CDK7: variants seen among roughly 807,000 people sequenced by gnomAD.
CDK7 encodes the protein cyclin-dependent kinase 7.
In CDK7, 25 loss-of-function variants were observed where a neutral mutation model predicts 49.1. That is an observed-to-expected ratio of 0.51 (90% CI 0.37 to 0.71). The LOEUF is 0.71. CDK7 is among the 30% of genes least tolerant of loss of function. The pLI is 0.00. For synonymous variants in CDK7, 107 were observed against 140.0 expected, an observed-to-expected ratio of 0.76 and a Z score of 1.67; for missense variants, 316 against 411.7, an observed-to-expected ratio of 0.77 and a Z score of 2.01.
chr5:69,251,350 G>A (rs1434656722), intron 2 of CDK7, among the ~76,000 whole-genome samples: 18 of 151,570 alleles, frequency 1.2e-4, no homozygotes, highest in Non-Finnish European at 2.1e-4. Flanking sequence ...CACCTGCCTC[G>A]GCCTCCCAAA....
intron 2 of CDK7, among the ~76,000 whole-genome samples, chr5:69,246,054 G>A (rs747995694): frequency 6.6e-6 from 1 of 152,128 alleles, no homozygotes; most frequent in Non-Finnish European, 1.5e-5. Context: ...CTTAATCATG[G>A]CGAAAGGTGA....
intron 2 of CDK7, among the ~76,000 whole-genome samples, chr5:69,243,579 TTTG>T (rs1471627980): frequency 2.6e-5 from 4 of 152,132 alleles, no homozygotes; most frequent in African/African-American, 4.8e-5. Context: ...ATTCCTCCCT[TTTG>T]TTCTTTTTTC....
intron 9 of CDK7, among the ~76,000 whole-genome samples, chr5:69,270,484 G>T (rs6887195): frequency 6.8e-4 from 103 of 152,206 alleles, no homozygotes; most frequent in African/African-American, 2.4e-3. Context: ...ATATTTCACG[G>T]ACCCTTTACC....
chr5:69,277,271 G>T lies in CDK7; in HGVS notation c.*136G>T. On this transcript the variant is annotated 3_prime_UTR_variant, in exon 12 of 12. Transcript: ENST00000256443. ...ACACATGTAAAATATGTAAAACTAT[G>T]GGTTATTTTTATTAAATGTATTTTA... The T allele has an allele frequency of 2.0e-6, 1 of 491,434 alleles. No homozygotes were observed. Among genetic ancestry groups the T allele is most frequent in the East Asian group, 3.3e-5 (1 of 29,888 alleles). 30.4% of individuals were successfully genotyped at this position (491,434 alleles called of 1,614,324 possible).
intron 6 of CDK7, 62 bp from the exon 7 acceptor site, chr5:69,259,756 G>A (rs1580314863): frequency 1.0e-6 from 1 of 962,752 alleles, no homozygotes; most frequent in Non-Finnish European, 1.6e-6. Flanking sequence ...CCAACTAAAT[G>A]TAGCACTACA....
rs1752246410 is a variant in CDK7, at chr5:69,277,251, T to C, written c.*116T>C. On this transcript the variant is annotated 3_prime_UTR_variant, in exon 12 of 12. Coordinates refer to ENST00000256443, the MANE Select transcript of CDK7 (RefSeq NM_001799.4). ...AGTGAGTTTGTAAATATTCTACACA[T>C]GTAAAATATGTAAAACTATGGGTTA... The C allele has an allele frequency of 3.5e-6, 2 of 577,672 alleles. No individual in the cohort carries two copies. The highest frequency in any genetic ancestry group is 5.9e-5 in the East Asian group (2 of 33,634). The allele number at this position is 577,672 out of a possible 1,614,324, so 35.8% of individuals were successfully genotyped here. A position where few individuals can be genotyped will look rare whatever the true frequency, so the allele number is the denominator to read the frequency against.
intron 5 of CDK7, among the ~76,000 whole-genome samples, chr5:69,256,227 A>G (rs779806538): frequency 6.6e-6 from 1 of 151,894 alleles, no homozygotes; most frequent in Non-Finnish European, 1.5e-5. Flanking sequence ...CAGGAGTTCA[A>G]GACCAGCCTG....
At chr5:69,261,518 G>GTGTGTGTA (rs1264174480) in intron 7 of CDK7, among the ~76,000 whole-genome samples, 1 of 144,108 alleles carries the variant, frequency 6.9e-6, no homozygotes, top group African/African-American at 2.5e-5. Flanking sequence ...GTGTGTGTGT[G>GTGTGTGTA]TGTGTGTATG....
At chr5:69,269,362 TTATA>T in intron 9 of CDK7, 69 bp downstream of exon 9, 2 of 1,018,658 alleles carry the variant, frequency 2.0e-6, no homozygotes, top group African/African-American at 1.6e-5. Flanking sequence ...GTCATATACT[TTATA>T]TAGTGCTGTC....
At chr5:69,258,673 C>T (rs1001208406) in intron 6 of CDK7, among the ~76,000 whole-genome samples, 3 of 152,218 alleles carry the variant, frequency 2.0e-5, no homozygotes, top group East Asian at 1.9e-4. Flanking sequence ...TGAGCCATTG[C>T]GCCCGGCCTC....
chr5:69,243,958 G>C (rs774868709), intron 2 of CDK7, among the ~76,000 whole-genome samples: 5 of 148,246 alleles, frequency 3.4e-5, no homozygotes, highest in Admixed American at 1.4e-4. Context: ...TCAGCTTCCT[G>C]AGTACCTGGG....
At chr5:69,236,511 G>A (rs1363503413) in intron 2 of CDK7, among the ~76,000 whole-genome samples, 2 of 150,814 alleles carry the variant, frequency 1.3e-5, no homozygotes, top group African/African-American at 4.9e-5. Flanking sequence ...TAACTCCTTG[G>A]AAGTTATCCA....
chr5:69,241,307 G>GT (rs1749355577), intron 2 of CDK7, among the ~76,000 whole-genome samples: 264 of 112,780 alleles, frequency 2.3e-3, no homozygotes, highest in Non-Finnish European at 2.8e-3. Flanking sequence ...CTCATTGTAG[G>GT]TTTTTTCTTT....
chr5:69,239,526 C>A (rs989417911), intron 2 of CDK7, among the ~76,000 whole-genome samples: 3 of 152,078 alleles, frequency 2.0e-5, no homozygotes, highest in African/African-American at 7.2e-5. Flanking sequence ...CAGCATCGGC[C>A]TCCCAAAGAG....
At chr5:69,274,413 T>G (rs1397036404) in intron 10 of CDK7, among the ~76,000 whole-genome samples, 1 of 152,148 alleles carries the variant, frequency 6.6e-6, no homozygotes, top group African/African-American at 2.4e-5. Context: ...GGAGCAAGGA[T>G]AGCTTGAGCC....
chr5:69,270,265 G>A (rs557882116), intron 9 of CDK7, among the ~76,000 whole-genome samples: 10 of 152,048 alleles, frequency 6.6e-5, no homozygotes, highest in East Asian at 1.9e-4. Context: ...GTGAGACTTC[G>A]TGTCTATAAA....
intron 7 of CDK7, among the ~76,000 whole-genome samples, chr5:69,260,872 C>T (rs539860160): frequency 2.0e-5 from 3 of 152,030 alleles, no homozygotes; most frequent in Admixed American, 6.6e-5. Flanking sequence ...GGCTGAAGTG[C>T]GGTTGTGCAA....
At chr5:69,258,320 T>C (rs1452987418) in intron 6 of CDK7, among the ~76,000 whole-genome samples, 167 bp downstream of exon 6, 4 of 152,050 alleles carry the variant, frequency 2.6e-5, no homozygotes, top group African/African-American at 9.7e-5. Flanking sequence ...CAGTTGGTGC[T>C]GTAAGGACTC....
At chr5:69,256,570 A>C (rs1484808629) in intron 5 of CDK7, among the ~76,000 whole-genome samples, 1 of 147,126 alleles carries the variant, frequency 6.8e-6, no homozygotes, top group African/African-American at 2.6e-5. Context: ...CAAACTCTTG[A>C]CCTCTGGCGA....
Sources: allele counts gnomAD v4.1 joint callset (sites outside exome capture counted in the v4.1 genomes callset), GRCh38; gene constraint gnomAD v4.1.1; transcripts MANE v1.5; gene names NCBI Gene and HGNC (gene_info 2026-07-23, HGNC 2026-07-21).